AFG3L2: variants seen among roughly 807,000 people sequenced by gnomAD.
AFG3L2 encodes AFG3 like matrix AAA peptidase subunit 2.
A neutral mutation model predicts 94.5 loss-of-function variants in AFG3L2; 54 were observed. The observed-to-expected ratio is 0.57, with a 90% confidence interval of 0.46 to 0.72. The LOEUF (loss-of-function observed/expected upper bound fraction) is 0.72, where lower values mean the gene tolerates loss of function less well. Among genes scored for constraint, AFG3L2 ranks in the 30% least tolerant of loss-of-function variants. AFG3L2 has a pLI of 0.00. For synonymous variants in AFG3L2, 377 were observed against 365.5 expected (o/e 1.03, Z -0.36); for missense variants, 754 against 994.9 (o/e 0.76, Z 3.26).
chr18:12,360,095 TA>T, intron 6 of AFG3L2, 44 bp from the exon 7 acceptor site: 1 of 1,596,192 alleles, frequency 6.3e-7, no homozygotes, highest in East Asian at 2.2e-5. Flanking sequence ...GTAGTGAAAC[TA>T]AAAGGTTCAA....
rs374918721 is a variant in AFG3L2 at position 12,372,513 on chromosome 18, G to C, written c.115-822C>G. The stretch of plus-strand genomic sequence containing the variant: ...AAAATGGTACCACATGACTCTATGG[G>C]TCACCATATGACCCAGCAATGCCAT... On this transcript the variant is annotated intron_variant, in intron 1 of 16. Transcript: ENST00000269143. Among the ~76,000 whole-genome samples the C allele has an allele frequency of 1.1e-3, 173 of 152,212 alleles. 1 individual carries two copies. Among genetic ancestry groups the C allele is most frequent in the African/African-American group, 4.0e-3 (167 of 41,514 alleles).
At chr18:12,346,652 C>T (rs768766283) in intron 13 of AFG3L2, among the ~76,000 whole-genome samples, 8 of 152,144 alleles carry the variant, frequency 5.3e-5, no homozygotes, top group African/African-American at 7.2e-5. Context: ...GCCTGTAATC[C>T]GAACACTTTG....
At chr18:12,372,282 C>T (rs1240490584) in intron 1 of AFG3L2, among the ~76,000 whole-genome samples, 4 of 152,102 alleles carry the variant, frequency 2.6e-5, no homozygotes, top group African/African-American at 4.8e-5. Flanking sequence ...CCAGCCTGGG[C>T]GATGGAGTGA....
chr18:12,366,682 G>C (rs1224853359), intron 5 of AFG3L2, among the ~76,000 whole-genome samples: 4 of 152,172 alleles, frequency 2.6e-5, no homozygotes, highest in African/African-American at 9.7e-5. Flanking sequence ...CGTGAGAAAA[G>C]GGCGCAAGCA....
intron 10 of AFG3L2, among the ~76,000 whole-genome samples, chr18:12,352,048 T>C (rs1908334077): frequency 6.6e-6 from 1 of 152,230 alleles, no homozygotes; most frequent in South Asian, 2.1e-4. Flanking sequence ...TGGCAAAGGA[T>C]GTGTCTGACA....
Position 12,333,216 on chromosome 18 carries a change from C to A in AFG3L2, c.2176-3433G>T, listed in dbSNP as rs1195429963. 1.1e-3 allele frequency among the ~76,000 whole-genome samples: 122 copies of A among 106,764 alleles called. 2 individuals carry two copies. The highest frequency in any genetic ancestry group is 1.6e-3 in the South Asian group (6 of 3,724). 70.0% of individuals were successfully genotyped at this position (106,764 alleles called of 152,430 possible). On this transcript the variant is annotated intron_variant, in intron 16 of 16. Transcript: ENST00000269143. ...TATATATAATAATCTAATATATAAT[C>A]TATTATATAAATATATGATATATAA...
intron 5 of AFG3L2, 125 bp downstream of exon 5, chr18:12,366,838 ATC>A (rs1192113365): frequency 2.9e-5 from 39 of 1,332,776 alleles, no homozygotes; most frequent in Non-Finnish European, 4.0e-5. Flanking sequence ...CATTAGAAAA[ATC>A]TGAGTGAAAA....
intron 1 of AFG3L2, among the ~76,000 whole-genome samples, chr18:12,375,251 C>T (rs1271825242): frequency 2.0e-5 from 3 of 147,254 alleles, no homozygotes; most frequent in Non-Finnish European, 3.0e-5. Flanking sequence ...CCCCTCCCCA[C>T]CCCCGCTCTT....
chr18:12,358,951 C>G lies in AFG3L2; in HGVS notation c.753-8G>C. On this transcript the variant is annotated splice_polypyrimidine_tract_variant and splice_region_variant and intron_variant, in intron 7 of 16. Transcript: ENST00000269143. ...ATGCTCAGCAGAAAAGAGCTGGGGA[C>G]ACACAGCGCAACACGGGTTAGGACT... 8 of 1,608,690 alleles carry G rather than the reference C, an allele frequency of 5.0e-6. No individual in the cohort carries two copies. Among genetic ancestry groups the G allele is most frequent in the Non-Finnish European group, 6.8e-6 (8 of 1,177,328 alleles).
Position 12,360,016 on chromosome 18 carries a change from G to A in AFG3L2, c.663C>T (p.Thr221=). ...GTAAAGTTTCCAGATTCCGTTCAAA[G>A]GTGTCCACACTGCCAATATTAAACC... The part of the protein sequence containing the change: ...YVWFNIGSVD[T]FERNLETLQQ... Residue 221 remains threonine (T), a synonymous_variant, in exon 7 of 17, where the codon ACC becomes ACT. Transcript: ENST00000269143. 3 of 1,613,936 alleles carry A rather than the reference G, an allele frequency of 1.9e-6. No homozygotes were observed. Among genetic ancestry groups the A allele is most frequent in the Non-Finnish European group, 2.5e-6 (3 of 1,179,958 alleles).
chr18:12,371,671 A>G lies in AFG3L2; in HGVS notation c.135T>C (p.Thr45=). The G allele has an allele frequency of 6.2e-7, 1 of 1,614,070 alleles. No homozygotes were observed. The highest frequency in any genetic ancestry group is 2.2e-5 in the East Asian group (1 of 44,868). Residue 45 remains threonine, a synonymous_variant, in exon 2 of 17, where the codon ACT becomes ACC. Coordinates refer to ENST00000269143, the MANE Select transcript of AFG3L2 (RefSeq NM_006796.3). ...CLRTLYRFVT[T]QARASRNSLL... ...GAGAATTTCTGCTGGCCCTTGCTTG[A>G]GTTGTAACAAATCGGTAAAGCTGCA...
chr18:12,362,729 A>G (rs1908697906), intron 6 of AFG3L2, among the ~76,000 whole-genome samples: 1 of 152,160 alleles, frequency 6.6e-6, no homozygotes, highest in Non-Finnish European at 1.5e-5. Flanking sequence ...TGTGCCTGAC[A>G]TGGGCCGCTG....
At chr18:12,369,315 C>G (rs1393746476) in intron 3 of AFG3L2, among the ~76,000 whole-genome samples, 2 of 152,090 alleles carry the variant, frequency 1.3e-5, no homozygotes, top group African/African-American at 4.8e-5. Flanking sequence ...AATCTAGAGC[C>G]CCGGGGCTGT....
intron 6 of AFG3L2, among the ~76,000 whole-genome samples, chr18:12,361,214 A>G (rs879750743): frequency 3.9e-4 from 60 of 152,280 alleles, no homozygotes; most frequent in Non-Finnish European, 6.6e-4. Flanking sequence ...TACTAAAACT[A>G]CAAAAATTAG....
At chr18:12,374,886 T>C (rs1598841832) in intron 1 of AFG3L2, among the ~76,000 whole-genome samples, 3 of 151,894 alleles carry the variant, frequency 2.0e-5, no homozygotes, top group South Asian at 4.2e-4. Flanking sequence ...TGAAACACCA[T>C]CTCTACTAAA....
intron 8 of AFG3L2, among the ~76,000 whole-genome samples, chr18:12,357,120 AC>A (rs1182533874): frequency 6.6e-6 from 1 of 152,148 alleles, no homozygotes; most frequent in East Asian, 1.9e-4. Flanking sequence ...GTAAAGGGTG[AC>A]TTGGGCTAGG....
intron 1 of AFG3L2, among the ~76,000 whole-genome samples, chr18:12,373,990 A>G (rs563949658): frequency 7.9e-5 from 12 of 152,314 alleles, no homozygotes; most frequent in African/African-American, 2.9e-4. Flanking sequence ...AAACCATAGT[A>G]CCATATAAAG....
intron 5 of AFG3L2, among the ~76,000 whole-genome samples, chr18:12,365,842 C>T (rs1268200895): frequency 6.7e-6 from 1 of 149,042 alleles, no homozygotes; most frequent in Non-Finnish European, 1.5e-5. Flanking sequence ...AGGCCTAATT[C>T]TGGTGTCTAT....
chr18:12,349,268 C>T (rs1422204832), intron 12 of AFG3L2, among the ~76,000 whole-genome samples: 1 of 152,144 alleles, frequency 6.6e-6, no homozygotes, highest in Non-Finnish European at 1.5e-5. Context: ...GTGACGAGTG[C>T]TGGCAAGGAT....
Sources: gnomAD v4.1 joint callset for allele counts (sites outside exome capture counted in the v4.1 genomes callset) on GRCh38, gnomAD v4.1.1 for gene constraint, MANE v1.5 for transcripts, NCBI Gene and HGNC (gene_info 2026-07-23, HGNC 2026-07-21) for gene names.